Variants in KLHL13 observed in about 807,000 individuals in gnomAD.
KLHL13 encodes kelch-like protein 13.
In KLHL13, 10 loss-of-function variants were observed where a neutral mutation model predicts 37.1. The observed-to-expected ratio is 0.27, with a 90% CI of 0.17 to 0.46. The LOEUF (loss-of-function observed/expected upper bound fraction) is 0.46, where lower values mean the gene tolerates loss of function less well. Among genes scored for constraint, KLHL13 ranks in the 20% least tolerant of loss-of-function variants. The pLI, the probability that KLHL13 is intolerant of heterozygous loss-of-function variation, is 1.00. For synonymous variants in KLHL13, 163 were observed against 181.2 expected (o/e 0.90, Z 0.81); for missense variants, 360 against 509.3 (o/e 0.71, Z 2.82).
intron 1 of KLHL13, among the ~76,000 whole-genome samples, chrX:117,998,192 C>G (rs977725405): frequency 8.9e-6 from 1 of 111,782 alleles, no homozygotes; most frequent in South Asian, 3.7e-4. Context: ...ATGGGAAGAA[C>G]AGCTAAACTT....
At chrX:118,107,540 ATAAG>A (rs1215980621) in intron 1 of KLHL13, among the ~76,000 whole-genome samples, 2 of 112,265 alleles carry the variant, frequency 1.8e-5, no homozygotes, top group African/African-American at 6.5e-5. Flanking sequence ...GAAAATAATA[ATAAG>A]TATAGTTATA....
chrX:118,063,621 G>A (rs929737849), intron 1 of KLHL13, among the ~76,000 whole-genome samples: 2 of 111,551 alleles, frequency 1.8e-5, no homozygotes, highest in Non-Finnish European at 3.8e-5. Context: ...AGAAAAGATA[G>A]CTTGTAAAGG....
intron 1 of KLHL13, among the ~76,000 whole-genome samples, chrX:117,971,197 C>A (rs764797736): frequency 3.0e-4 from 34 of 111,654 alleles, no homozygotes; most frequent in Non-Finnish European, 6.0e-4. Flanking sequence ...CAATTTGGAT[C>A]TTTTAGACAA....
At chrX:118,031,591 TTATATATATATTTAGTTATA>T (rs2054347995) in intron 1 of KLHL13, among the ~76,000 whole-genome samples, 1 of 98,369 alleles carries the variant, frequency 1.0e-5, no homozygotes, top group Non-Finnish European at 2.0e-5. Flanking sequence ...ATATATTTAG[TTATATATATATTTAGTTATA>T]TATATATTTA....
At chrX:117,956,140 G>T (rs1432333835) in intron 1 of KLHL13, among the ~76,000 whole-genome samples, 2 of 111,612 alleles carry the variant, frequency 1.8e-5, no homozygotes, top group East Asian at 5.6e-4. Flanking sequence ...AACAAAAATT[G>T]CTCTACCAAA....
intron 1 of KLHL13, among the ~76,000 whole-genome samples, chrX:118,102,301 G>A (rs950401718): frequency 1.3e-4 from 14 of 111,821 alleles, no homozygotes; most frequent in Non-Finnish European, 3.8e-5. Context: ...TGTTCTTCCC[G>A]GCTCATATAG....
chrX:118,022,935 T>G (rs1376950758), intron 1 of KLHL13, among the ~76,000 whole-genome samples: 1 of 111,912 alleles, frequency 8.9e-6, no homozygotes, highest in Non-Finnish European at 1.9e-5. Context: ...GTTTCCCTTG[T>G]GTTTTCTTTT....
At chrX:118,105,975 T>A (rs957200635) in intron 1 of KLHL13, among the ~76,000 whole-genome samples, 1 of 100,888 alleles carries the variant, frequency 9.9e-6, no homozygotes, top group Admixed American at 1.1e-4. Flanking sequence ...GATCTCAGCT[T>A]ACTGCAAGCT....
intron 1 of KLHL13, among the ~76,000 whole-genome samples, chrX:118,088,206 C>T (rs1320699291): frequency 1.8e-5 from 2 of 112,026 alleles, no homozygotes; most frequent in Non-Finnish European, 3.8e-5. Flanking sequence ...GCCTTTTCCT[C>T]AATCCAATCT....
At chrX:118,019,172 G>A (rs923052703) in intron 1 of KLHL13, among the ~76,000 whole-genome samples, 3 of 110,891 alleles carry the variant, frequency 2.7e-5, no homozygotes, top group Non-Finnish European at 3.8e-5. Context: ...TCACCTAACT[G>A]CAAATTTTCA....
chrX:118,108,735 G>A (rs1286242930), intron 1 of KLHL13, among the ~76,000 whole-genome samples: 1 of 112,399 alleles, frequency 8.9e-6, no homozygotes, highest in Non-Finnish European at 1.9e-5. Context: ...GCAAAGCTTT[G>A]ACACCATGAA....
intron 1 of KLHL13, among the ~76,000 whole-genome samples, chrX:117,999,821 A>G (rs991528226): frequency 2.7e-5 from 3 of 111,757 alleles, no homozygotes; most frequent in African/African-American, 9.7e-5. Context: ...TAACTGGCAC[A>G]TAGAACGGAG....
intron 2 of KLHL13, among the ~76,000 whole-genome samples, chrX:117,942,681 G>A (rs1194218528): frequency 9.0e-6 from 1 of 110,804 alleles, no homozygotes; most frequent in African/African-American, 3.3e-5. Flanking sequence ...CCATTTGCTT[G>A]GTAAATATTC....
chrX:117,906,917 T>A (rs966488777), intron 5 of KLHL13, among the ~76,000 whole-genome samples: 6 of 111,520 alleles, frequency 5.4e-5, no homozygotes, highest in Admixed American at 9.5e-5. Context: ...TGCCTTTTTT[T>A]AAATGCAGTT....
At chrX:118,028,149 A>C (rs1403688765) in intron 1 of KLHL13, among the ~76,000 whole-genome samples, 2 of 111,850 alleles carry the variant, frequency 1.8e-5, no homozygotes, top group East Asian at 5.6e-4. Flanking sequence ...CTAAAAATTC[A>C]AATAAATATC....
rs989094702 is a variant in KLHL13, at chrX:117,908,430, T to A, written c.1366+871A>T. Reference sequence around the variant, plus strand: ...CCAGACAGGCCCTGGTGTGTGATGTTCCCCTCCCTGTGACAGACTCTATTT... The same window carrying A: ...CCAGACAGGCCCTGGTGTGTGATGTACCCCTCCCTGTGACAGACTCTATTT... On this transcript the variant is annotated intron_variant, in intron 5 of 6. Coordinates refer to ENST00000262820, the Ensembl canonical transcript of KLHL13. Among the ~76,000 whole-genome samples the A allele has an allele frequency of 2.8e-5, 3 of 108,265 alleles. No homozygotes were observed. In the Admixed American group the frequency reaches 3.0e-4, roughly 11 times the overall value. 94.0% of individuals were successfully genotyped at this position (108,265 alleles called of 115,157 possible).
intron 1 of KLHL13, among the ~76,000 whole-genome samples, chrX:118,045,076 A>G (rs1003640451): frequency 8.9e-6 from 1 of 112,138 alleles, no homozygotes; most frequent in Admixed American, 9.4e-5. Context: ...AATCCAATTA[A>G]GAAATGGGCA....
chrX:118,066,582 T>C (rs1462742105), intron 1 of KLHL13, among the ~76,000 whole-genome samples: 3 of 111,783 alleles, frequency 2.7e-5, no homozygotes, highest in South Asian at 7.5e-4. Context: ...GATTTTAGGT[T>C]AGGCAAAGAT....
At chrX:118,046,975 A>AAAAAC (rs1379568194) in intron 1 of KLHL13, among the ~76,000 whole-genome samples, 2 of 111,841 alleles carry the variant, frequency 1.8e-5, no homozygotes, top group East Asian at 5.6e-4. Context: ...CAGTGGCTTG[A>AAAAAC]AAAACAAAAC....
Sources: gnomAD v4.1 joint callset for allele counts (sites outside exome capture counted in the v4.1 genomes callset) on GRCh38, gnomAD v4.1.1 for gene constraint, MANE v1.5 for transcripts, NCBI Gene and HGNC (gene_info 2026-07-23, HGNC 2026-07-21) for gene names.